Variants in RNF217 observed in about 807,000 individuals in gnomAD.
RNF217 encodes the protein E3 ubiquitin-protein ligase RNF217.
Under a neutral mutation model 57.8 loss-of-function variants are expected in RNF217, and 31 were observed. The ratio of observed to expected loss-of-function variants is 0.54; its 90% CI spans 0.40 to 0.72. RNF217 has a LOEUF of 0.72. Ranked by LOEUF, RNF217 falls within the 30% of genes least tolerant of loss-of-function variation. The pLI, the probability that RNF217 is intolerant of heterozygous loss-of-function variation, is 0.00. For missense variants in RNF217, 696 were observed against 708.3 expected (o/e 0.98, Z 0.20); for synonymous variants, 313 against 294.0 (o/e 1.06, Z -0.66).
chr6:125,070,013 T>C (rs1415589876), intron 3 of RNF217, among the ~76,000 whole-genome samples: 2 of 152,054 alleles, frequency 1.3e-5, no homozygotes, highest in Admixed American at 6.6e-5. Context: ...CACTCTTACC[T>C]CCTATTCCTA....
Position 125,085,491 on chromosome 6 carries a change from T to C in RNF217, c.*2554T>C, listed in dbSNP as rs978611993. 2.6e-5 allele frequency: 4 copies of C among 151,904 alleles called. No individual in the cohort carries two copies. Among genetic ancestry groups the C allele is most frequent in the African/African-American group, 9.7e-5 (4 of 41,422 alleles). The allele number at this position is 151,904 out of a possible 1,614,324, so 9.4% of individuals were successfully genotyped here. A position where few individuals can be genotyped will look rare whatever the true frequency, so the allele number is the denominator to read the frequency against. On this transcript the variant is annotated 3_prime_UTR_variant, in exon 6 of 6. Transcript: ENST00000521654. ...TAAAAAGAGAGAAGAAAATAAAAAG[T>C]ATTATTTATATGTCAGTGCCAACTT...
chr6:124,988,583 G>A (rs1473938763), intron 1 of RNF217, among the ~76,000 whole-genome samples: 1 of 152,132 alleles, frequency 6.6e-6, no homozygotes, highest in Non-Finnish European at 1.5e-5. Context: ...AACCCAAAAT[G>A]TTCACTAGCT....
At chr6:125,058,857 G>T (rs1177260335) in intron 3 of RNF217, among the ~76,000 whole-genome samples, 4 of 152,162 alleles carry the variant, frequency 2.6e-5, no homozygotes, top group African/African-American at 9.7e-5. Context: ...AGAAAATCAT[G>T]TGTGTGTACC....
At chr6:124,997,781 T>C (rs1471961728) in intron 1 of RNF217, among the ~76,000 whole-genome samples, 1 of 152,206 alleles carries the variant, frequency 6.6e-6, no homozygotes. Context: ...CTTTCTCACC[T>C]TTAGTTGTCT....
chr6:124,991,243 A>G (rs538998761), intron 1 of RNF217, among the ~76,000 whole-genome samples: 1 of 152,240 alleles, frequency 6.6e-6, no homozygotes, highest in East Asian at 1.9e-4. Context: ...GCTCACTCAG[A>G]ACCAGCTTCT....
rs1179591822 is a variant in RNF217, at chr6:124,963,399, G to A, written c.855G>A (p.Glu285=). The part of the protein sequence containing the change: ...LPCCKKAVCE[E]CLKVYLSAQV... ...GCTGCAAGAAGGCCGTGTGCGAGGA[G>A]TGCCTCAAAGTCTACCTGAGCGCCC... Residue 285 remains glutamate, a synonymous_variant, in exon 1 of 6, where the codon GAG becomes GAA. Coordinates refer to ENST00000521654, the MANE Select transcript of RNF217 (RefSeq NM_001286398.3). The A allele has an allele frequency of 4.7e-6, 7 of 1,487,406 alleles. No homozygotes were observed. In the African/African-American group the frequency reaches 8.4e-5, roughly 18 times the overall value. 92.1% of individuals were successfully genotyped at this position (1,487,406 alleles called of 1,614,324 possible). A position where few individuals can be genotyped will look rare whatever the true frequency, so the allele number is the denominator to read the frequency against.
chr6:124,996,150 G>A (rs558167628), intron 1 of RNF217, among the ~76,000 whole-genome samples: 1 of 152,194 alleles, frequency 6.6e-6, no homozygotes, highest in East Asian at 1.9e-4. Context: ...GCTGATGAAA[G>A]TTCCCATTGC....
Position 124,963,181 on chromosome 6 carries a change from A to C in RNF217, c.637A>C (p.Thr213Pro), listed in dbSNP as rs746776287. The stretch of plus-strand genomic sequence containing the variant: ...CCCCAGCCCCCGACTGTCCCTCCCA[A>C]CGGATTCCCTCTCCCCCGACGGCGG... ...SFPSPRLSLP[T>P]DSLSPDGGSI... Residue 213 changes from threonine to proline, a missense_variant, in exon 1 of 6, where the codon ACG (threonine) becomes CCG (proline). By Grantham distance (38) the Thr-to-Pro change is conservative (BLOSUM62 -1). Around this residue, in one of 2 missense-constraint regions of RNF217, gnomAD observed 465 missense variants for 386.8 expected, o/e 1.20. Transcript: ENST00000521654. 46 of 1,535,534 alleles carry C rather than the reference A, an allele frequency of 3.0e-5. No individual in the cohort carries two copies. Among genetic ancestry groups the C allele is most frequent in the Non-Finnish European group, 2.8e-5 (32 of 1,146,768 alleles).
intron 1 of RNF217, among the ~76,000 whole-genome samples, chr6:125,038,780 T>A (rs888610934): frequency 6.6e-6 from 1 of 152,132 alleles, no homozygotes; most frequent in African/African-American, 2.4e-5. Context: ...ACCTATCCTA[T>A]TGTTAGGAGC....
chr6:125,024,380 C>T (rs554229626), intron 1 of RNF217, among the ~76,000 whole-genome samples: 3 of 151,718 alleles, frequency 2.0e-5, no homozygotes, highest in East Asian at 3.9e-4. Context: ...CTCAGGAGTT[C>T]GAGACCACCC....
chr6:124,972,952 A>G (rs139089461), intron 1 of RNF217, among the ~76,000 whole-genome samples: 3 of 152,316 alleles, frequency 2.0e-5, no homozygotes, highest in Non-Finnish European at 2.9e-5. Context: ...GCATGTAAAG[A>G]CATTATTAAT....
chr6:125,092,075 A>G lies in RNF217; in HGVS notation c.*9138A>G, dbSNP rs1788971058. 1 of 152,236 alleles carries G rather than the reference A, an allele frequency of 6.6e-6. No individual in the cohort carries two copies. The highest frequency in any genetic ancestry group is 1.5e-5 in the Non-Finnish European group (1 of 68,040). 9.4% of individuals were successfully genotyped at this position (152,236 alleles called of 1,614,324 possible). ...TATGTGTAAATATTTGACAAAGAAA[A>G]AAAAAGGAAAAGAATCTTCCTGCCA... On this transcript the variant is annotated 3_prime_UTR_variant, in exon 6 of 6. Transcript: ENST00000521654.
Position 124,962,927 on chromosome 6 carries a change from C to A in RNF217, c.383C>A (p.Pro128His), listed in dbSNP as rs554277701. The change falls in exon 1 of 6, where the codon CCC (proline) becomes CAC (histidine). Residue 128 changes from proline (P) to histidine (H), a missense_variant. Around this residue, in one of 2 missense-constraint regions of RNF217, gnomAD observed 465 missense variants for 386.8 expected, o/e 1.20. Coordinates refer to ENST00000521654, the MANE Select transcript of RNF217 (RefSeq NM_001286398.3). The surrounding 1 kb of genome is among the most constrained non-coding windows in gnomAD (Gnocchi z 4.6). ...GGAGGGGATGAACAGCAGGAGGCGC[C>A]CCCCGGCGAAGAGCTGGAGCCCAGG... ...KEGGDEQQEA[P>H]PGEELEPRTR... 6.3e-7 allele frequency: 1 copy of A among 1,597,852 alleles called. No individual in the cohort carries two copies. The highest frequency in any genetic ancestry group is 1.7e-5 in the Admixed American group (1 of 59,992).
Position 125,045,287 on chromosome 6 carries a change from A to G in RNF217, c.959A>G (p.Tyr320Cys), listed in dbSNP as rs1291591784. The G allele has an allele frequency of 1.9e-6, 3 of 1,613,390 alleles. No homozygotes were observed. The highest frequency in any genetic ancestry group is 1.7e-5 in the Admixed American group (1 of 59,914). Reference sequence around the variant, plus strand: ...TTCTTGGAAGAAACAACTGTTGTCTATAACTTAACGCATGAAGACTCCATC... The same window carrying G: ...TTCTTGGAAGAAACAACTGTTGTCTGTAACTTAACGCATGAAGACTCCATC... ...FEFLEETTVV[Y>C]NLTHEDSIKY... The change falls in exon 2 of 6, where the codon TAT becomes TGT. Residue 320 changes from tyrosine to cysteine, a missense_variant. Tyr to Cys is a radical substitution (Grantham distance 194). Transcript: ENST00000521654.
chr6:125,074,309 A>ATAGG (rs1307034175), intron 3 of RNF217, among the ~76,000 whole-genome samples: 66 of 119,894 alleles, frequency 5.5e-4, no homozygotes, highest in African/African-American at 1.7e-3. Flanking sequence ...AGATAGATAG[A>ATAGG]TAGATAGATA....
chr6:125,001,126 A>G (rs528275723), intron 1 of RNF217, among the ~76,000 whole-genome samples: 3 of 152,134 alleles, frequency 2.0e-5, no homozygotes, highest in Non-Finnish European at 4.4e-5. Flanking sequence ...AATACCACCT[A>G]CTGCTGATTT....
intron 1 of RNF217, among the ~76,000 whole-genome samples, chr6:125,000,152 A>G (rs1022846062): frequency 4.6e-5 from 7 of 151,978 alleles, no homozygotes; most frequent in Admixed American, 2.0e-4. Flanking sequence ...ATTTTTTTTT[A>G]GTGCTTGGCA....
At chr6:125,045,149 A>T (rs1787044836) in intron 1 of RNF217, 62 bp from the exon 2 acceptor site, 1 of 1,130,508 alleles carries the variant, frequency 8.8e-7, no homozygotes, top group Non-Finnish European at 1.3e-6. Context: ...TATACAAAAA[A>T]AAAAATGAAA....
intron 1 of RNF217, among the ~76,000 whole-genome samples, chr6:125,001,598 T>A (rs1173799129): frequency 6.6e-6 from 1 of 152,220 alleles, no homozygotes; most frequent in African/African-American, 2.4e-5. Context: ...TAAAGTTAAA[T>A]TTGAATCACA....
Sources: allele counts gnomAD v4.1 joint callset (sites outside exome capture counted in the v4.1 genomes callset), GRCh38; gene constraint gnomAD v4.1.1; regional missense constraint gnomAD v4.1.1; non-coding constraint Gnocchi (gnomAD v3.1); transcripts MANE v1.5; gene names NCBI Gene and HGNC (gene_info 2026-07-23, HGNC 2026-07-21).